DNAH11: variants seen among roughly 807,000 people sequenced by gnomAD.
The protein encoded by DNAH11 is dynein axonemal heavy chain 11, also known as axonemal beta dynein heavy chain 11.
In DNAH11, 442 loss-of-function variants were observed where a neutral mutation model predicts 526.0. That is an observed-to-expected ratio of 0.84 (90% CI 0.78 to 0.91). The LOEUF is 0.91. Ranked by LOEUF, DNAH11 falls within the 40% of genes least tolerant of loss-of-function variation. The pLI, the probability that DNAH11 is intolerant of heterozygous loss-of-function variation, is 0.00. For synonymous variants in DNAH11, 2,461 were observed against 1,935.9 expected (o/e 1.27, Z -7.12); for missense variants, 6,989 against 5,448.7 (o/e 1.28, Z -8.90).
intron 76 of DNAH11, among the ~76,000 whole-genome samples, chr7:21,891,729 G>A (rs1167954702): frequency 4.6e-5 from 7 of 152,268 alleles, no homozygotes; most frequent in African/African-American, 1.7e-4. Context: ...GTAGGTAACT[G>A]TGTATTGAGC....
At chr7:21,765,307 C>A in intron 54 of DNAH11, 121 bp from the exon 55 acceptor site, 1 of 1,425,690 alleles carries the variant, frequency 7.0e-7, no homozygotes, top group Non-Finnish European at 9.7e-7. Context: ...CTCTCTAGGG[C>A]TTTAGGGTAG....
Position 21,600,786 on chromosome 7 carries a change from C to A in DNAH11, c.3111C>A (p.His1037Gln), listed in dbSNP as rs762093164. Reference protein sequence around the residue: ...VLDFRNTLETHTYLWVDDRAE... With the variant: ...VLDFRNTLETQTYLWVDDRAE... ...ATTTCAGAAACACCCTGGAGACCCA[C>A]ACTTACCTCTGGGTGGATGATCGAG... is the stretch of plus-strand genomic sequence containing the variant. Residue 1037 changes from histidine (H) to glutamine (Q), a missense_variant, in exon 16 of 82, where the codon CAC becomes CAA. Coordinates refer to ENST00000409508, the MANE Select transcript of DNAH11 (RefSeq NM_001277115.2). 1.2e-6 allele frequency: 2 copies of A among 1,613,832 alleles called. No homozygotes were observed. The highest frequency in any genetic ancestry group is 3.3e-5 in the Admixed American group (2 of 60,010).
At chr7:21,809,635 C>A (rs928593741) in intron 63 of DNAH11, among the ~76,000 whole-genome samples, 2 of 152,062 alleles carry the variant, frequency 1.3e-5, no homozygotes, top group Non-Finnish European at 2.9e-5. Flanking sequence ...TCAGTCTCAG[C>A]CCACTACAAC....
intron 21 of DNAH11, 130 bp from the exon 22 acceptor site, chr7:21,616,079 G>T: frequency 1.4e-6 from 1 of 702,434 alleles, no homozygotes; most frequent in Non-Finnish European, 2.4e-6. Context: ...GACAAGTGCA[G>T]TTAATATTTT....
At position 21,631,301 on chromosome 7, in the gene DNAH11, C is replaced by T. The variant is rs1258572047; in HGVS notation, c.4501-4570C>T. Among the ~76,000 whole-genome samples the T allele has an allele frequency of 1.3e-4, 20 of 152,258 alleles. No homozygotes were observed. The East Asian group carries it at 3.7e-3, about 28-fold the overall frequency. On this transcript the variant is annotated intron_variant, in intron 25 of 81. Transcript: ENST00000409508. Reference sequence around the variant, plus strand: ...GATTTGGATAGGGAGACAGCCAAACCATATCATTCCACCCCTGGTCCCTCC... The same window carrying T: ...GATTTGGATAGGGAGACAGCCAAACTATATCATTCCACCCCTGGTCCCTCC...
intron 29 of DNAH11, among the ~76,000 whole-genome samples, chr7:21,657,228 A>G (rs992825188): frequency 1.3e-5 from 2 of 152,152 alleles, no homozygotes; most frequent in African/African-American, 4.8e-5. Flanking sequence ...TTAGTCCATT[A>G]GTGTATTCTT....
intron 51 of DNAH11, among the ~76,000 whole-genome samples, chr7:21,747,945 T>C (rs1416629276): frequency 6.6e-6 from 1 of 152,242 alleles, no homozygotes; most frequent in Admixed American, 6.5e-5. Context: ...CTAATCAAAA[T>C]ATTTTGAAGC....
At chr7:21,758,108 C>T (rs1014359953) in intron 54 of DNAH11, among the ~76,000 whole-genome samples, 1 of 152,224 alleles carries the variant, frequency 6.6e-6, no homozygotes, top group African/African-American at 2.4e-5. Flanking sequence ...AAGAAACACT[C>T]TAACAACTGG....
chr7:21,590,302 T>TA (rs1477991022), intron 12 of DNAH11, among the ~76,000 whole-genome samples: 3 of 152,186 alleles, frequency 2.0e-5, no homozygotes, highest in Admixed American at 6.5e-5. Context: ...ATATGAGACA[T>TA]AAAATAAGCT....
intron 74 of DNAH11, among the ~76,000 whole-genome samples, chr7:21,875,258 C>T (rs73077543): frequency 1.8e-4 from 28 of 152,244 alleles, no homozygotes; most frequent in South Asian, 4.1e-4. Context: ...CTATTTATGA[C>T]ATTTTCAAGC....
intron 58 of DNAH11, among the ~76,000 whole-genome samples, chr7:21,784,951 G>C (rs1788109678): frequency 6.6e-6 from 1 of 152,198 alleles, no homozygotes; most frequent in Non-Finnish European, 1.5e-5. Context: ...CTCATGGAAA[G>C]AACAATGGGA....
chr7:21,543,186 G>T lies in DNAH11; in HGVS notation c.-60G>T. The T allele has an allele frequency of 3.4e-6, 5 of 1,453,172 alleles. No homozygotes were observed. Among genetic ancestry groups the T allele is most frequent in the South Asian group, 1.4e-5 (1 of 69,854 alleles). The allele number at this position is 1,453,172 out of a possible 1,614,324, so 90.0% of individuals were successfully genotyped here. A position where few individuals can be genotyped will look rare whatever the true frequency, so the allele number is the denominator to read the frequency against. On this transcript the variant is annotated 5_prime_UTR_variant, in exon 1 of 82. Transcript: ENST00000409508. Reference sequence around the variant, plus strand: ...GCGGAGGTGTCCTCGCTCACTTCGGGGGGCCCAGAGTCTCGGGTGAGGAGC... The same window carrying T: ...GCGGAGGTGTCCTCGCTCACTTCGGTGGGCCCAGAGTCTCGGGTGAGGAGC...
chr7:21,808,900 A>G (rs535514114), intron 63 of DNAH11, among the ~76,000 whole-genome samples: 1 of 152,198 alleles, frequency 6.6e-6, no homozygotes, highest in Non-Finnish European at 1.5e-5. Flanking sequence ...ATATATGCTC[A>G]GTAGCTAGAT....
At chr7:21,658,363 A>T (rs1024608179) in intron 29 of DNAH11, among the ~76,000 whole-genome samples, 1 of 152,098 alleles carries the variant, frequency 6.6e-6, no homozygotes, top group Non-Finnish European at 1.5e-5. Flanking sequence ...AATAGAAAAA[A>T]ATTTAACTGA....
intron 39 of DNAH11, among the ~76,000 whole-genome samples, chr7:21,705,876 T>C (rs1784243734): frequency 6.6e-6 from 1 of 152,210 alleles, no homozygotes; most frequent in African/African-American, 2.4e-5. Flanking sequence ...AATACATTTA[T>C]GCTTGGATTC....
rs76569307 is a variant in DNAH11, at chr7:21,861,472, G to A, written c.11203-381G>A. ...ACATTTCTTGTGGTTACACAAGAAT[G>A]TGACTATACTTAACACTACTGAACT... On this transcript the variant is annotated intron_variant, in intron 68 of 81. Transcript: ENST00000409508. 4.7e-3 allele frequency among the ~76,000 whole-genome samples: 719 copies of A among 152,348 alleles called. 2 individuals are homozygous for A. The highest frequency in any genetic ancestry group is 0.016 in the African/African-American group (674 of 41,588).
At chr7:21,710,267 T>C (rs996401194) in intron 40 of DNAH11, among the ~76,000 whole-genome samples, 4 of 152,206 alleles carry the variant, frequency 2.6e-5, no homozygotes, top group Non-Finnish European at 5.9e-5. Context: ...CGTTACCTTC[T>C]ATAAATCCCC....
chr7:21,705,521 G>C lies in DNAH11; in HGVS notation c.6530G>C (p.Gly2177Ala). 6.2e-7 allele frequency: 1 copy of C among 1,613,560 alleles called. No homozygotes were observed. The highest frequency in any genetic ancestry group is 8.5e-7 in the Non-Finnish European group (1 of 1,179,640). The change falls in exon 39 of 82, where the codon GGC becomes GCC. Residue 2177 changes from glycine to alanine, a missense_variant. Transcript: ENST00000409508. ...TCGGTCTTTGTAGTTGGAAATGCAGGCACAGGAAAGAGTAAGGTATAGTAA... is the reference window on the plus strand; with the variant it reads ...TCGGTCTTTGTAGTTGGAAATGCAGCCACAGGAAAGAGTAAGGTATAGTAA... The part of the protein sequence containing the change: ...RHSVFVVGNA[G>A]TGKSKILRTL...
rs1789092651 is a variant in DNAH11 at position 21,803,508 on chromosome 7, A to G, written c.10165+2233A>G. On this transcript the variant is annotated intron_variant, in intron 62 of 81. Transcript: ENST00000409508. ...TTTTCTCCTTTTATGAGAAAAGCTGATGTTTTTCTGGAAATGTCTCTGACA... is the reference window on the plus strand; with the variant it reads ...TTTTCTCCTTTTATGAGAAAAGCTGGTGTTTTTCTGGAAATGTCTCTGACA... Among the ~76,000 whole-genome samples the G allele has an allele frequency of 3.9e-5, 6 of 152,018 alleles. No homozygotes were observed. In the South Asian group the frequency reaches 1.2e-3, roughly 32 times the overall value.
Sources: allele counts gnomAD v4.1 joint callset (sites outside exome capture counted in the v4.1 genomes callset), GRCh38; gene constraint gnomAD v4.1.1; transcripts MANE v1.5; gene names NCBI Gene and HGNC (gene_info 2026-07-23, HGNC 2026-07-21).